Variants in RAI2 observed in about 807,000 individuals in gnomAD.
The protein encoded by RAI2 is retinoic acid induced 2, also known as retinoic acid-induced protein 2.
Under a neutral mutation model 15.3 loss-of-function variants are expected in RAI2, and 5 were observed. The ratio of observed to expected loss-of-function variants is 0.33; its 90% CI spans 0.17 to 0.69. The LOEUF is 0.69. Among genes scored for constraint, RAI2 ranks in the 30% least tolerant of loss-of-function variants. The pLI, the probability that RAI2 is intolerant of heterozygous loss-of-function variation, is 0.69. For missense variants in RAI2, 424 were observed against 424.7 expected (o/e 1.00, Z 0.01); for synonymous variants, 191 against 184.0 (o/e 1.04, Z -0.31).
At chrX:17,814,148 A>C (rs762096362) in intron 1 of RAI2, among the ~76,000 whole-genome samples, 40 of 109,627 alleles carry the variant, frequency 3.6e-4, no homozygotes, top group African/African-American at 1.3e-3. Context: ...CAATTTATCA[A>C]ACAAGTTACC....
rs765164281 is a variant in RAI2, at chrX:17,821,540, G to GTGTGTGTGTGTGTT, written c.-24-19520_-24-19507dup. Reference sequence around the variant, plus strand: ...AATGACATTCCAGCACTCTAAGGAGGTGTGTGTGTGTGTTTGTGTGTGTGT... The same window carrying GTGTGTGTGTGTGTT: ...AATGACATTCCAGCACTCTAAGGAGGTGTGTGTGTGTGTTTGTGTGTGTGTGTTTGTGTGTGTGT... On this transcript the variant is annotated intron_variant, in intron 1 of 1. Transcript: ENST00000451717. 1.6e-3 allele frequency among the ~76,000 whole-genome samples: 177 copies of GTGTGTGTGTGTGTT among 109,740 alleles called. 1 individual carries two copies. Among genetic ancestry groups the GTGTGTGTGTGTGTT allele is most frequent in the African/African-American group, 5.4e-3 (164 of 30,097 alleles).
intron 1 of RAI2, among the ~76,000 whole-genome samples, chrX:17,826,298 C>T (rs935380845): frequency 9.0e-6 from 1 of 110,805 alleles, no homozygotes; most frequent in Non-Finnish European, 1.9e-5. Context: ...CCACCTCCAT[C>T]CCAGTTTTCC....
intron 1 of RAI2, among the ~76,000 whole-genome samples, chrX:17,816,946 T>A (rs1043280599): frequency 2.7e-5 from 3 of 110,896 alleles, no homozygotes; most frequent in Non-Finnish European, 5.7e-5. Context: ...CCCCTTCCCC[T>A]CAGCTTGATG....
In RAI2 at chrX:17,836,521, A is replaced by G. The variant is rs1259255432; in HGVS notation, c.-25+24577T>C. 3.2e-4 allele frequency among the ~76,000 whole-genome samples: 36 copies of G among 112,295 alleles called. 1 individual carries two copies. Among genetic ancestry groups the G allele is most frequent in the Non-Finnish European group, 1.9e-5 (1 of 53,304 alleles). On this transcript the variant is annotated intron_variant, in intron 1 of 1. Transcript: ENST00000451717. ...TACAGGTATTCGAAGCACAATTTCT[A>G]GCGAACGAGTATGACTTCTGCACCA...
At position 17,801,680 on chromosome X, in the gene RAI2, T is replaced by C. The variant is rs2066914359; in HGVS notation, c.331A>G (p.Thr111Ala). 3 of 1,209,931 alleles carry C rather than the reference T, an allele frequency of 2.5e-6. No individual in the cohort carries two copies. In the South Asian group the frequency reaches 5.3e-5, roughly 21 times the overall value. The change falls in exon 2 of 2, where the codon ACC (threonine) becomes GCC (alanine). Residue 111 changes from threonine (T) to alanine (A), a missense_variant. By Grantham distance (58) the Thr-to-Ala change is moderately conservative (BLOSUM62 0). Transcript: ENST00000451717. Reference protein sequence around the residue: ...APELNPNGNATYVMTTQGPVQ... With the variant: ...APELNPNGNAAYVMTTQGPVQ... ...GGGCCCTGGGTGGTCATGACGTAGG[T>C]GGCATTGCCATTCGGATTGAGCTCT...
At chrX:17,825,238 C>T (rs1211796400) in intron 1 of RAI2, among the ~76,000 whole-genome samples, 1 of 113,031 alleles carries the variant, frequency 8.8e-6, no homozygotes, top group Non-Finnish European at 1.9e-5. Context: ...ATAAAAAGCA[C>T]AGTAATATTT....
At chrX:17,819,601 G>A (rs191539571) in intron 1 of RAI2, among the ~76,000 whole-genome samples, 1 of 112,573 alleles carries the variant, frequency 8.9e-6, no homozygotes, top group Non-Finnish European at 1.9e-5. Flanking sequence ...TGGTCAACAG[G>A]TAAATGCCAC....
intron 1 of RAI2, among the ~76,000 whole-genome samples, chrX:17,831,526 C>A (rs1478148603): frequency 8.9e-6 from 1 of 111,974 alleles, no homozygotes; most frequent in East Asian, 2.8e-4. Context: ...TACAAACATA[C>A]TGAATTATTA....
At chrX:17,859,577 C>T (rs764934557) in intron 1 of RAI2, among the ~76,000 whole-genome samples, 1 of 112,922 alleles carries the variant, frequency 8.9e-6, no homozygotes, top group African/African-American at 3.2e-5. Flanking sequence ...TTTATCATCG[C>T]TGCACACCCG....
chrX:17,814,865 C>T (rs771846466), intron 1 of RAI2, among the ~76,000 whole-genome samples: 1 of 110,078 alleles, frequency 9.1e-6, no homozygotes, highest in South Asian at 4.1e-4. Context: ...TTCTGGTGAT[C>T]TTGTGTTCCA....
At chrX:17,852,322 T>C (rs2067546067) in intron 1 of RAI2, among the ~76,000 whole-genome samples, 1 of 111,946 alleles carries the variant, frequency 8.9e-6, no homozygotes, top group Non-Finnish European at 1.9e-5. Flanking sequence ...CCTTTCCATT[T>C]TTCCTCACTG....
At chrX:17,843,647 G>A (rs1021297929) in intron 1 of RAI2, among the ~76,000 whole-genome samples, 18 of 112,128 alleles carry the variant, frequency 1.6e-4, no homozygotes, top group African/African-American at 5.8e-4. Flanking sequence ...GAGGGGCTTA[G>A]GTTCTTAACA....
In RAI2 at chrX:17,835,084, AG is replaced by A. The variant is rs985058054; in HGVS notation, c.-25+26013del. Among the ~76,000 whole-genome samples, 3 of 111,969 alleles carry A rather than the reference AG, an allele frequency of 2.7e-5. No individual in the cohort carries two copies. In the Admixed American group the frequency reaches 2.8e-4, roughly 11 times the overall value. ...TCATGTTGGAGAAAAGAACGATTCA[AG>A]CACAAAATCGTCAGTGAGTGATCAC... On this transcript the variant is annotated intron_variant, in intron 1 of 1. Transcript: ENST00000451717.
intron 1 of RAI2, among the ~76,000 whole-genome samples, chrX:17,824,614 C>A (rs756650407): frequency 1.8e-5 from 2 of 111,582 alleles, no homozygotes; most frequent in Non-Finnish European, 3.8e-5. Flanking sequence ...GAGCAGCCCC[C>A]CTAGGATGAG....
At chrX:17,822,682 A>G (rs913107710) in intron 1 of RAI2, among the ~76,000 whole-genome samples, 1 of 112,556 alleles carries the variant, frequency 8.9e-6, no homozygotes. Context: ...TTTCTGAATC[A>G]TGGCTAGGCT....
At chrX:17,852,971 C>T (rs1404695486) in intron 1 of RAI2, among the ~76,000 whole-genome samples, 1 of 107,933 alleles carries the variant, frequency 9.3e-6, no homozygotes, top group Non-Finnish European at 1.9e-5. Context: ...ATATTACGAG[C>T]AGAGCTCTCA....
Position 17,835,986 on chromosome X carries a change from T to C in RAI2, c.-25+25112A>G, listed in dbSNP as rs200310523. Among the ~76,000 whole-genome samples, 4 of 112,423 alleles carry C rather than the reference T, an allele frequency of 3.6e-5. No homozygotes were observed. In the East Asian group the frequency reaches 1.1e-3, roughly 31 times the overall value. Reference sequence around the variant, plus strand: ...ACCTATCATGGCACAGATACAATTTTTGTCTTTTCCTTTTCACACTGTATT... The same window carrying C: ...ACCTATCATGGCACAGATACAATTTCTGTCTTTTCCTTTTCACACTGTATT... On this transcript the variant is annotated intron_variant, in intron 1 of 1. Transcript: ENST00000451717.
chrX:17,820,178 C>T lies in RAI2; in HGVS notation c.-24-18144G>A, dbSNP rs1452090742. ...CAAAGGAGGCAGCAACATCAGCCCC[C>T]AAACACAAACACTCAATGAAATAAA... On this transcript the variant is annotated intron_variant, in intron 1 of 1. Transcript: ENST00000451717. 5.4e-5 allele frequency among the ~76,000 whole-genome samples: 6 copies of T among 111,948 alleles called. No individual in the cohort carries two copies. In the East Asian group the frequency reaches 1.4e-3, roughly 27 times the overall value.
intron 1 of RAI2, among the ~76,000 whole-genome samples, chrX:17,830,858 T>C (rs867989568): frequency 1.8e-5 from 2 of 112,094 alleles, no homozygotes; most frequent in Non-Finnish European, 1.9e-5. Context: ...TTGATTCCCA[T>C]ATGATAGAAA....
Sources: gnomAD v4.1 joint callset for allele counts (sites outside exome capture counted in the v4.1 genomes callset) on GRCh38, gnomAD v4.1.1 for gene constraint, MANE v1.5 for transcripts, NCBI Gene and HGNC (gene_info 2026-07-23, HGNC 2026-07-21) for gene names.